The following AFDN variants were observed in gnomAD, a reference collection of about 807,000 sequenced individuals.
AFDN encodes the protein afadin.
AFDN carries 68 observed loss-of-function variants against 216.6 expected under a neutral mutation model. The observed-to-expected ratio is 0.31, with a 90% CI of 0.26 to 0.38. AFDN has a LOEUF of 0.38. AFDN is among the 10% of genes least tolerant of loss of function. AFDN has a pLI of 1.00. For missense variants in AFDN, 2,136 were observed against 2,342.0 expected (o/e 0.91, Z 1.82); for synonymous variants, 868 against 853.7 (o/e 1.02, Z -0.29).
In AFDN at chr6:167,907,182, G is replaced by T. The variant is rs1418370554; in HGVS notation, c.1662G>T (p.Arg554Ser). ...TALPTSKSTT[R>S]LDSDRVSSAS... ...TTCTCTCCATGTAGAGCACCACTAG[G>T]CTGGACAGCGACAGAGTGTCGTCTG... is the stretch of plus-strand genomic sequence containing the variant. The change falls in exon 13 of 34, where the codon AGG (arginine) becomes AGT (serine). Residue 554 changes from arginine (R) to serine (S), a missense_variant. Coordinates refer to ENST00000683244, the MANE Select transcript of AFDN (RefSeq NM_001386888.1). 1 of 1,614,026 alleles carries T rather than the reference G, an allele frequency of 6.2e-7. No individual in the cohort carries two copies. Among genetic ancestry groups the T allele is most frequent in the Non-Finnish European group, 8.5e-7 (1 of 1,179,902 alleles).
At chr6:167,934,254 C>G (rs1452126667) in intron 23 of AFDN, among the ~76,000 whole-genome samples, 3 of 152,102 alleles carry the variant, frequency 2.0e-5, no homozygotes, top group Non-Finnish European at 4.4e-5. Context: ...ATAAACGAAA[C>G]CCAGAGCTGG....
chr6:167,959,710 C>CAT (rs1796860530), intron 30 of AFDN, among the ~76,000 whole-genome samples: 1 of 152,152 alleles, frequency 6.6e-6, no homozygotes, highest in African/African-American at 2.4e-5. Flanking sequence ...TATACACACA[C>CAT]ATATATATGT....
chr6:167,922,422 G>A (rs988729916), intron 21 of AFDN, among the ~76,000 whole-genome samples: 5 of 152,148 alleles, frequency 3.3e-5, no homozygotes, highest in Admixed American at 6.5e-5. Flanking sequence ...TAGTTGAACC[G>A]AGAGTCTGAC....
chr6:167,884,421 G>T (rs993959958), intron 6 of AFDN, among the ~76,000 whole-genome samples: 2 of 152,142 alleles, frequency 1.3e-5, no homozygotes, highest in Non-Finnish European at 2.9e-5. Flanking sequence ...CTCATTAAAT[G>T]TGTTTCTTAA....
intron 31 of AFDN, chr6:167,965,119 G>A (rs911663880): frequency 2.9e-5 from 28 of 959,748 alleles, no homozygotes; most frequent in African/African-American, 8.8e-5. Context: ...AAGCATATTT[G>A]TTAGATTGTT....
chr6:167,845,678 A>G (rs1048741497), intron 1 of AFDN, among the ~76,000 whole-genome samples: 10 of 152,146 alleles, frequency 6.6e-5, no homozygotes, highest in Non-Finnish European at 1.0e-4. Context: ...GCCTGGCCTA[A>G]ATGAATATTT....
intron 5 of AFDN, 43 bp from the exon 6 acceptor site, chr6:167,880,317 C>T: frequency 6.3e-7 from 1 of 1,580,366 alleles, no homozygotes; most frequent in East Asian, 2.3e-5. Flanking sequence ...CTGTTACTGG[C>T]ATAAAGTAAG....
At chr6:167,895,119 ATTT>A (rs112628453) in intron 9 of AFDN, among the ~76,000 whole-genome samples, 1 of 147,730 alleles carries the variant, frequency 6.8e-6, no homozygotes, top group Non-Finnish European at 1.5e-5. Context: ...CAGGGTAAAA[ATTT>A]TTTTTTTTTT....
intron 19 of AFDN, 77 bp downstream of exon 19, chr6:167,915,510 A>C (rs1790941038): frequency 6.7e-7 from 1 of 1,494,740 alleles, no homozygotes; most frequent in African/African-American, 1.4e-5. Context: ...CAAGAGCTTC[A>C]ATGCAGCAAA....
upstream of AFDN, chr6:167,826,873 C>CGCGGGCGGGTGCGGGCG (rs1314524096): frequency 2.2e-5 from 3 of 137,122 alleles, no homozygotes; most frequent in African/African-American, 5.0e-5. Flanking sequence ...GCGGGCGGGG[C>CGCGGGCGGGTGCGGGCG]GCGGGCGGGT....
chr6:167,851,245 CACATAA>C (rs1470215831), intron 1 of AFDN, among the ~76,000 whole-genome samples: 2 of 152,116 alleles, frequency 1.3e-5, no homozygotes, highest in Non-Finnish European at 2.9e-5. Context: ...TATACACATA[CACATAA>C]ACACAAACAC....
intron 32 of AFDN, 196 bp downstream of exon 32, chr6:167,966,241 C>T (rs544062784): frequency 1.3e-6 from 2 of 1,529,972 alleles, no homozygotes; most frequent in Non-Finnish European, 1.7e-6. Context: ...CCAAAAAAAT[C>T]CAGCTCCTAC....
intron 1 of AFDN, among the ~76,000 whole-genome samples, chr6:167,855,787 G>T (rs1177263676): frequency 1.3e-5 from 2 of 152,082 alleles, no homozygotes; most frequent in East Asian, 3.8e-4. Flanking sequence ...CAGGATTGTA[G>T]TGGATAATAC....
chr6:167,887,081 C>T (rs1583285364), intron 6 of AFDN, among the ~76,000 whole-genome samples: 2 of 150,228 alleles, frequency 1.3e-5, no homozygotes, highest in African/African-American at 4.9e-5. Context: ...CAGTATTTGC[C>T]AAGGGAATGT....
chr6:167,918,915 G>A lies in AFDN; in HGVS notation c.2890G>A (p.Asp964Asn). The change falls in exon 21 of 34, where the codon GAC becomes AAC. Residue 964 changes from aspartate (D) to asparagine (N), a missense_variant. Physicochemically the swap from Asp to Asn is conservative, Grantham distance 23 (BLOSUM62 1). Around this residue, in one of 8 missense-constraint regions of AFDN, gnomAD observed 162 missense variants for 182.6 expected, o/e 0.89. Coordinates refer to ENST00000683244, the MANE Select transcript of AFDN (RefSeq NM_001386888.1). Reference sequence around the variant, plus strand: ...TCCAAATGGTTTACAAGAATTTTTAGACCCTCTGTGCCAGAGAGGTAAATT... The same window carrying A: ...TCCAAATGGTTTACAAGAATTTTTAAACCCTCTGTGCCAGAGAGGTAAATT... Reference protein sequence around the residue: ...NIPNGLQEFLDPLCQRGFCRL... With the variant: ...NIPNGLQEFLNPLCQRGFCRL... The A allele has an allele frequency of 6.2e-7, 1 of 1,613,840 alleles. No homozygotes were observed. Among genetic ancestry groups the A allele is most frequent in the Non-Finnish European group, 8.5e-7 (1 of 1,179,844 alleles).
intron 31 of AFDN, among the ~76,000 whole-genome samples, chr6:167,965,362 C>T (rs1481694713): frequency 7.2e-5 from 11 of 152,194 alleles, no homozygotes; most frequent in Middle Eastern, 6.8e-3. Flanking sequence ...TATCTTTAAA[C>T]ACAGCAGTAA....
At chr6:167,947,988 C>A (rs1795526159) in intron 28 of AFDN, 44 bp downstream of exon 28, 3 of 1,419,258 alleles carry the variant, frequency 2.1e-6, no homozygotes, top group Admixed American at 1.7e-5. Context: ...GCATTTCCAT[C>A]CTTAGGGTTC....
rs1223956102 is a variant in AFDN at position 167,970,294 on chromosome 6, C to T, written c.*359C>T. 1.5e-5 allele frequency: 4 copies of T among 267,920 alleles called. No individual in the cohort carries two copies. The highest frequency in any genetic ancestry group is 6.1e-5 in the East Asian group (1 of 16,308). The allele number at this position is 267,920 out of a possible 1,614,324, so 16.6% of individuals were successfully genotyped here. On this transcript the variant is annotated 3_prime_UTR_variant, in exon 34 of 34. Transcript: ENST00000683244. ...CTCCCATCTTCCCCTCATCATCGAC[C>T]GAGGAGCACAAAGAAGTTCTGTTTC... is the stretch of plus-strand genomic sequence containing the variant.
chr6:167,830,603 C>T (rs1016398965), intron 1 of AFDN, among the ~76,000 whole-genome samples: 8 of 152,170 alleles, frequency 5.3e-5, no homozygotes, highest in East Asian at 1.9e-4. Flanking sequence ...TTTAGCTTCA[C>T]GAGATACTTC....
Sources: gnomAD v4.1 joint callset for allele counts (sites outside exome capture counted in the v4.1 genomes callset) on GRCh38, gnomAD v4.1.1 for gene constraint, gnomAD v4.1.1 regional missense constraint, MANE v1.5 for transcripts, NCBI Gene and HGNC (gene_info 2026-07-23, HGNC 2026-07-21) for gene names.